The following CD163L1 variants were observed in gnomAD, a reference collection of about 807,000 sequenced individuals.
CD163L1 encodes the protein scavenger receptor cysteine-rich type 1 protein M160.
CD163L1 carries 124 observed loss-of-function variants against 165.4 expected under a neutral mutation model. The ratio of observed to expected loss-of-function variants is 0.75; its 90% CI spans 0.65 to 0.87. The LOEUF is 0.87. CD163L1 is among the 40% of genes least tolerant of loss of function. CD163L1 has a pLI of 0.00. For synonymous variants in CD163L1, 585 were observed against 662.2 expected (o/e 0.88, Z 1.79); for missense variants, 1,525 against 1,799.9 (o/e 0.85, Z 2.76).
rs745592502 is a variant in CD163L1 at position 7,432,925 on chromosome 12, A to G, written c.446-189T>C. On this transcript the variant is annotated intron_variant, in intron 3 of 19. Coordinates refer to ENST00000313599, the MANE Select transcript of CD163L1 (RefSeq NM_174941.6). The surrounding 1 kb of genome is among the most constrained non-coding windows in gnomAD (Gnocchi z 4.2). ...AAACACAAATACACAAACAAAAAAAATCCTAGGTGAAAAAATCAATCATTA... is the reference window on the plus strand; with the variant it reads ...AAACACAAATACACAAACAAAAAAAGTCCTAGGTGAAAAAATCAATCATTA... Among the ~76,000 whole-genome samples the G allele has an allele frequency of 1.8e-3, 273 of 152,316 alleles. 2 individuals carry two copies. Among genetic ancestry groups the G allele is most frequent in the Non-Finnish European group, 3.1e-4 (21 of 68,028 alleles).
chr12:7,433,724 G>C, intron 2 of CD163L1, 30 bp from the exon 3 acceptor site: 1 of 1,518,830 alleles, frequency 6.6e-7, no homozygotes, highest in Non-Finnish European at 9.0e-7. Context: ...ATACATTAGA[G>C]ATGGCAAAGA....
At chr12:7,326,437 G>A in the CD163L1 span, among the ~76,000 whole-genome samples, 15 of 152,106 alleles carry the variant, frequency 9.9e-5, no homozygotes, top group Non-Finnish European at 1.6e-4. Context: ...TTCAAACTCC[G>A]GGGCTGAAGT....
At chr12:7,423,576 C>G (rs1345907693) in intron 4 of CD163L1, among the ~76,000 whole-genome samples, 2 of 151,820 alleles carry the variant, frequency 1.3e-5, no homozygotes, top group Non-Finnish European at 2.9e-5. Flanking sequence ...ATAGATAAAC[C>G]ACTAGCCAGA....
chr12:7,375,441 G>A lies in CD163L1; in HGVS notation c.2841C>T (p.Leu947=). The change falls in exon 11 of 20, where the codon CTC becomes CTT. Residue 947 remains leucine, a synonymous_variant. Coordinates refer to ENST00000313599, the MANE Select transcript of CD163L1 (RefSeq NM_174941.6). ...LCRQLSCGTA[L]STTGGKYIGE... is the part of the protein sequence containing the mutation. ...CAATATATTTTCCTCCTGTGGTTGA[G>A]AGAGCAGTCCCACAGCTGAGCTGTC... The A allele has an allele frequency of 6.2e-7, 1 of 1,614,198 alleles. No homozygotes were observed. The highest frequency in any genetic ancestry group is 8.5e-7 in the Non-Finnish European group (1 of 1,180,032).
At chr12:7,355,596 T>C (rs1946758422) in intron 19 of CD163L1, among the ~76,000 whole-genome samples, 1 of 152,140 alleles carries the variant, frequency 6.6e-6, no homozygotes, top group Non-Finnish European at 1.5e-5. Flanking sequence ...CTCAGTGTTA[T>C]GAGCTGAATT....
chr12:7,333,012 C>T, the CD163L1 span, among the ~76,000 whole-genome samples: 544 of 152,222 alleles, frequency 3.6e-3, 3 homozygotes, highest in African/African-American at 0.013. Context: ...AGTCATGACC[C>T]ATCAGTGTGC....
chr12:7,333,230 A>G, the CD163L1 span, among the ~76,000 whole-genome samples: 1 of 152,242 alleles, frequency 6.6e-6, no homozygotes, highest in Non-Finnish European at 1.5e-5. Flanking sequence ...AATTGACCGC[A>G]TAGTTGGAAG....
rs1185722368 is a variant in CD163L1, at chr12:7,368,398, A to G, written c.4073-201T>C. ...AACAACTGAATCCAAATCTTTCCAT[A>G]ATTCTATTGCCCTAAATTACTTCCA... On this transcript the variant is annotated intron_variant, in intron 16 of 19. Transcript: ENST00000313599. This position sits in a 1 kb window ranked among gnomAD's most constrained non-coding sequence, Gnocchi z 4.3. Among the ~76,000 whole-genome samples the G allele has an allele frequency of 6.6e-6, 1 of 152,214 alleles. No individual in the cohort carries two copies. Among genetic ancestry groups the G allele is most frequent in the Non-Finnish European group, 1.5e-5 (1 of 68,028 alleles).
chr12:7,357,442 G>A lies in CD163L1; in HGVS notation c.4324C>T (p.Leu1442=). 1.2e-6 allele frequency: 2 copies of A among 1,612,734 alleles called. No individual in the cohort carries two copies. Among genetic ancestry groups the A allele is most frequent in the Non-Finnish European group, 1.7e-6 (2 of 1,179,126 alleles). The change falls in exon 19 of 20, where the codon CTG becomes TTG. Residue 1442 remains leucine, a synonymous_variant. Transcript: ENST00000313599. ...HGCEDASDTS[L]LGVLPASEAT... ...TCAGAGGCAGGAAGAACTCCCAACA[G>A]CGATGTGTCGCTAGCATCTTCACAA...
intron 13 of CD163L1, among the ~76,000 whole-genome samples, chr12:7,373,946 C>G (rs1213053489): frequency 6.6e-6 from 1 of 152,154 alleles, no homozygotes; most frequent in Non-Finnish European, 1.5e-5. Flanking sequence ...AGGAGGTTAA[C>G]CTCATTTGCA....
chr12:7,367,715 T>C (rs1947052945), intron 17 of CD163L1, among the ~76,000 whole-genome samples: 3 of 152,182 alleles, frequency 2.0e-5, no homozygotes, highest in Admixed American at 6.5e-5. Flanking sequence ...ATATAAGTGG[T>C]GTTCAAACCC....
intron 11 of CD163L1, 147 bp downstream of exon 11, chr12:7,375,130 ATTAT>A: frequency 1.2e-6 from 1 of 845,342 alleles, no homozygotes; most frequent in Non-Finnish European, 1.8e-6. Flanking sequence ...CCTAGTTATC[ATTAT>A]TTCTTACATG....
Position 7,375,580 on chromosome 12 carries a change from C to T in CD163L1, c.2702G>A (p.Arg901Gln), listed in dbSNP as rs764798628. ...ACACTGGGATTTGCCATTCACAAGT[C>T]GGACATCTGTATATCCTAGGAGGAG... ...GVVCSRYTDVRLVNGKSQCDG... is the reference protein window; with the variant it reads ...GVVCSRYTDVQLVNGKSQCDG... The change falls in exon 11 of 20, where the codon CGA (arginine) becomes CAA (glutamine). Residue 901 changes from arginine to glutamine, a missense_variant. Coordinates refer to ENST00000313599, the MANE Select transcript of CD163L1 (RefSeq NM_174941.6). 8.7e-6 allele frequency: 14 copies of T among 1,612,548 alleles called. No individual in the cohort carries two copies. The highest frequency in any genetic ancestry group is 3.3e-5 in the South Asian group (3 of 91,056).
At chr12:7,393,617 A>G (rs1591918961) in intron 8 of CD163L1, among the ~76,000 whole-genome samples, 2 of 152,280 alleles carry the variant, frequency 1.3e-5, no homozygotes, top group Admixed American at 1.3e-4. Flanking sequence ...CAGTTAGGAA[A>G]AGAGAAGTCA....
the CD163L1 span, among the ~76,000 whole-genome samples, chr12:7,338,882 T>G: frequency 1.4e-4 from 22 of 152,310 alleles, 1 homozygote; most frequent in Admixed American, 1.4e-3. Flanking sequence ...ATGGTGGTGG[T>G]TGAACCAGGA....
chr12:7,422,592 T>C (rs1052478212), intron 4 of CD163L1, among the ~76,000 whole-genome samples: 1 of 151,618 alleles, frequency 6.6e-6, no homozygotes, highest in African/African-American at 2.4e-5. Context: ...GAGAAGAACA[T>C]AATATGCTTT....
the CD163L1 span, chr12:7,322,602 A>G: frequency 1.9e-6 from 3 of 1,541,000 alleles, no homozygotes; most frequent in Admixed American, 4.1e-5. Context: ...CAGGTTTTTC[A>G]ACTGAGCCCC....
chr12:7,407,020 TC>T (rs2136533948), intron 4 of CD163L1, among the ~76,000 whole-genome samples, 168 bp from the exon 5 acceptor site: 1 of 152,316 alleles, frequency 6.6e-6, no homozygotes, highest in East Asian at 1.9e-4. Context: ...ATAGAATCTA[TC>T]CCAGGAAAGG....
chr12:7,334,448 T>C, the CD163L1 span, among the ~76,000 whole-genome samples: 3 of 152,208 alleles, frequency 2.0e-5, no homozygotes, highest in Non-Finnish European at 2.9e-5. Context: ...CAACCCTTCA[T>C]GCTAAAAACT....
Sources: allele counts gnomAD v4.1 joint callset (sites outside exome capture counted in the v4.1 genomes callset), GRCh38; gene constraint gnomAD v4.1.1; non-coding constraint Gnocchi (gnomAD v3.1); transcripts MANE v1.5; gene names NCBI Gene and HGNC (gene_info 2026-07-23, HGNC 2026-07-21).